The following SHC3 variants were observed in gnomAD, a reference collection of about 807,000 sequenced individuals.
SHC3 encodes SHC-transforming protein 3.
SHC3 carries 15 observed loss-of-function variants against 60.4 expected under a neutral mutation model. The ratio of observed to expected loss-of-function variants is 0.25; its 90% CI spans 0.17 to 0.38. The LOEUF is 0.38. SHC3 is among the 10% of genes least tolerant of loss of function. The probability of loss-of-function intolerance (pLI) is 1.00; values close to 1 mark genes in which losing one functional copy is unlikely to be tolerated. For synonymous variants in SHC3, 294 were observed against 325.9 expected (o/e 0.90, Z 1.05); for missense variants, 677 against 786.1 (o/e 0.86, Z 1.66).
intron 4 of SHC3, 43 bp downstream of exon 4, chr9:89,075,066 C>T: frequency 1.2e-6 from 2 of 1,605,050 alleles, no homozygotes; most frequent in Non-Finnish European, 1.7e-6. Context: ...CACTCATCAC[C>T]TGGGGCTGTG....
intron 9 of SHC3, among the ~76,000 whole-genome samples, chr9:89,042,973 C>T (rs929129466): frequency 1.8e-4 from 27 of 152,100 alleles, no homozygotes; most frequent in African/African-American, 4.6e-4. Flanking sequence ...ACCTAGTTGC[C>T]GGAGAACGCC....
chr9:89,147,381 C>T (rs781159249), intron 1 of SHC3, among the ~76,000 whole-genome samples: 2 of 152,080 alleles, frequency 1.3e-5, no homozygotes, highest in Non-Finnish European at 2.9e-5. Context: ...ACCTTCTGCC[C>T]TTCTTGTGCC....
At chr9:89,062,626 G>T (rs1468692197) in intron 6 of SHC3, among the ~76,000 whole-genome samples, 1 of 152,230 alleles carries the variant, frequency 6.6e-6, no homozygotes, top group East Asian at 1.9e-4. Context: ...AAATTTTACA[G>T]AAGACTTTCT....
intron 1 of SHC3, among the ~76,000 whole-genome samples, chr9:89,129,824 C>A (rs898317752): frequency 3.9e-5 from 6 of 152,260 alleles, no homozygotes; most frequent in Middle Eastern, 6.8e-3. Flanking sequence ...TAAAGACCAT[C>A]AATGATAGGA....
intron 11 of SHC3, among the ~76,000 whole-genome samples, chr9:89,032,871 G>C (rs892814484): frequency 3.9e-5 from 6 of 152,192 alleles, no homozygotes; most frequent in African/African-American, 1.4e-4. Context: ...ATATTGAAGA[G>C]AATGTGTTCA....
At chr9:89,141,114 G>A (rs1826387126) in intron 1 of SHC3, among the ~76,000 whole-genome samples, 1 of 152,070 alleles carries the variant, frequency 6.6e-6, no homozygotes, top group African/African-American at 2.4e-5. Context: ...AATAACAAAT[G>A]GTAATGGTCA....
At chr9:89,158,982 A>G (rs1182212646) in intron 1 of SHC3, among the ~76,000 whole-genome samples, 1 of 152,202 alleles carries the variant, frequency 6.6e-6, no homozygotes, top group African/African-American at 2.4e-5. Flanking sequence ...TTGGAAACTC[A>G]TAGTAGTCAA....
intron 1 of SHC3, among the ~76,000 whole-genome samples, chr9:89,128,621 G>T (rs1826197730): frequency 6.6e-6 from 1 of 152,206 alleles, no homozygotes. Flanking sequence ...CTCCGCTGGT[G>T]ATATTCAGGC....
At chr9:89,152,776 T>C (rs910968855) in intron 1 of SHC3, among the ~76,000 whole-genome samples, 2 of 152,250 alleles carry the variant, frequency 1.3e-5, no homozygotes, top group South Asian at 2.1e-4. Context: ...TACAGGATTC[T>C]GCACCATCAA....
At chr9:89,121,413 C>T (rs1252549889) in intron 1 of SHC3, among the ~76,000 whole-genome samples, 1 of 152,114 alleles carries the variant, frequency 6.6e-6, no homozygotes, top group East Asian at 1.9e-4. Context: ...GCCTCAGGCT[C>T]CCGAGTAGGT....
At chr9:89,143,224 C>A (rs556939990) in intron 1 of SHC3, among the ~76,000 whole-genome samples, 2 of 152,256 alleles carry the variant, frequency 1.3e-5, no homozygotes, top group East Asian at 3.9e-4. Context: ...CCTGTTTAGA[C>A]CACATAAGGT....
chr9:89,159,493 C>G (rs947719219), intron 1 of SHC3, among the ~76,000 whole-genome samples: 4 of 152,124 alleles, frequency 2.6e-5, no homozygotes, highest in African/African-American at 7.2e-5. Context: ...TCCGTTCTGC[C>G]GGGCTTGAGA....
intron 1 of SHC3, among the ~76,000 whole-genome samples, chr9:89,158,745 C>T (rs1451605904): frequency 1.3e-5 from 2 of 152,240 alleles, no homozygotes; most frequent in Non-Finnish European, 2.9e-5. Flanking sequence ...ACGCTGTTTT[C>T]ACTCAACAAT....
chr9:89,087,222 C>T (rs572675426), intron 2 of SHC3, among the ~76,000 whole-genome samples: 3 of 152,302 alleles, frequency 2.0e-5, no homozygotes, highest in Middle Eastern at 3.4e-3. Context: ...TAGTAAACAT[C>T]GTCAATCAGA....
At chr9:89,018,698 T>TA (rs1826142658) in intron 11 of SHC3, among the ~76,000 whole-genome samples, 1 of 143,144 alleles carries the variant, frequency 7.0e-6, no homozygotes, top group African/African-American at 2.6e-5. Context: ...TTTCTTTCTT[T>TA]CTTTTTTTTT....
chr9:89,168,745 C>A lies in SHC3; in HGVS notation c.474+9242G>T, dbSNP rs1001180586. 4.6e-5 allele frequency among the ~76,000 whole-genome samples: 7 copies of A among 152,194 alleles called. No individual in the cohort carries two copies. In the East Asian group the frequency reaches 1.4e-3, roughly 29 times the overall value. On this transcript the variant is annotated intron_variant, in intron 1 of 11. Transcript: ENST00000375835. ...CTGGTGTGTCTGTGAGAGTTTTTTC[C>A]TTTTTGATAAAATTAACATTTGAAT...
intron 1 of SHC3, among the ~76,000 whole-genome samples, chr9:89,135,793 C>A (rs1826310592): frequency 6.6e-6 from 1 of 151,952 alleles, no homozygotes; most frequent in South Asian, 2.1e-4. Context: ...CAATCTGGAT[C>A]AATATTCTAA....
chr9:89,036,085 C>T (rs1028037538), intron 11 of SHC3, among the ~76,000 whole-genome samples: 1 of 151,954 alleles, frequency 6.6e-6, no homozygotes, highest in Admixed American at 6.6e-5. Context: ...GATTCGGATG[C>T]ATCCCATGAA....
chr9:89,104,219 G>A (rs76798920), intron 2 of SHC3, among the ~76,000 whole-genome samples: 2 of 152,012 alleles, frequency 1.3e-5, no homozygotes, highest in African/African-American at 2.4e-5. Flanking sequence ...TTTCATAGAT[G>A]GTAGCTGCAA....
Sources: allele counts gnomAD v4.1 joint callset (sites outside exome capture counted in the v4.1 genomes callset), GRCh38; gene constraint gnomAD v4.1.1; transcripts MANE v1.5; gene names NCBI Gene and HGNC (gene_info 2026-07-23, HGNC 2026-07-21).